NEXN: variants seen among roughly 807,000 people sequenced by gnomAD.
NEXN encodes the protein nexilin F-actin binding protein.
NEXN carries 65 observed loss-of-function variants against 92.6 expected under a neutral mutation model. The ratio of observed to expected loss-of-function variants is 0.70; its 90% confidence interval spans 0.57 to 0.86. NEXN has a LOEUF of 0.86. Among genes scored for constraint, NEXN ranks in the 40% least tolerant of loss-of-function variants. NEXN has a pLI of 0.00. For missense variants in NEXN, 778 were observed against 771.1 expected (o/e 1.01, Z -0.11); for synonymous variants, 254 against 242.5 (o/e 1.05, Z -0.44).
At chr1:77,933,156 C>A in intron 9 of NEXN, 126 bp from the exon 10 acceptor site, 5 of 647,928 alleles carry the variant, frequency 7.7e-6, no homozygotes, top group Non-Finnish European at 1.3e-5. Flanking sequence ...AGTGAAACTC[C>A]ATCTCAAAAA....
At chr1:77,919,774 A>G (rs921263359) in intron 5 of NEXN, among the ~76,000 whole-genome samples, 1 of 151,822 alleles carries the variant, frequency 6.6e-6, no homozygotes, top group Non-Finnish European at 1.5e-5. Flanking sequence ...TAATTTTTGT[A>G]TTTTTAGTGG....
intron 1 of NEXN, among the ~76,000 whole-genome samples, chr1:77,898,642 A>G (rs1178897211): frequency 6.6e-6 from 1 of 152,210 alleles, no homozygotes; most frequent in East Asian, 1.9e-4. Context: ...AATGGCAACA[A>G]AAGCCAAAAT....
Position 77,940,482 on chromosome 1 carries a change from C to T in NEXN, c.1474-1541C>T, listed in dbSNP as rs190784217. Among the ~76,000 whole-genome samples the T allele has an allele frequency of 7.9e-5, 12 of 152,258 alleles. No individual in the cohort carries two copies. In the East Asian group the frequency reaches 2.3e-3, roughly 29 times the overall value. On this transcript the variant is annotated intron_variant, in intron 11 of 12. Transcript: ENST00000334785. ...GACTGCAGAACTGTGCATAAATTTT[C>T]AGCTCAAGAGAAATTATTTTACTTA...
At chr1:77,916,997 C>A (rs776389442) in intron 2 of NEXN, among the ~76,000 whole-genome samples, 7 of 152,132 alleles carry the variant, frequency 4.6e-5, no homozygotes, top group Non-Finnish European at 1.0e-4. Context: ...CAACATAAAT[C>A]ACAGCTTGTG....
intron 9 of NEXN, among the ~76,000 whole-genome samples, chr1:77,932,540 A>G (rs529819413): frequency 3.5e-4 from 54 of 152,360 alleles, no homozygotes; most frequent in African/African-American, 1.2e-3. Context: ...TGAAGAGATC[A>G]TGATGGGTTA....
intron 1 of NEXN, among the ~76,000 whole-genome samples, chr1:77,910,621 C>T (rs1262707842): frequency 1.3e-5 from 2 of 151,400 alleles, no homozygotes; most frequent in Admixed American, 6.6e-5. Flanking sequence ...TGTCGTCGGT[C>T]GCGCCTGTAG....
chr1:77,926,544 A>G lies in NEXN; in HGVS notation c.620A>G (p.Asp207Gly), dbSNP rs570946423. ...AAAGAAAGGATCAAGTACGAGGAAG[A>G]TAAAAGAATAAGATATGAAGAACAA... ...EEKERIKYEE[D>G]KRIRYEEQRP... Residue 207 changes from aspartate to glycine, a missense_variant, in exon 7 of 13, where the codon GAT (aspartate) becomes GGT (glycine). This residue lies in a region of NEXN where 236 missense variants were observed against 265.6 expected (regional missense o/e 0.89). Transcript: ENST00000334785. 51 of 1,613,904 alleles carry G rather than the reference A, an allele frequency of 3.2e-5. No individual in the cohort carries two copies. In the Middle Eastern group the frequency reaches 1.3e-3, roughly 42 times the overall value.
At chr1:77,939,238 G>C (rs1189625337) in intron 11 of NEXN, among the ~76,000 whole-genome samples, 2 of 152,202 alleles carry the variant, frequency 1.3e-5, no homozygotes, top group Non-Finnish European at 2.9e-5. Flanking sequence ...AGAGAAATCA[G>C]GTCTGGGGAG....
chr1:77,918,673 A>C (rs1444903862), intron 5 of NEXN, among the ~76,000 whole-genome samples: 3 of 151,640 alleles, frequency 2.0e-5, no homozygotes, highest in Non-Finnish European at 2.9e-5. Flanking sequence ...TCAAAGAAAA[A>C]AAAAAAAAAA....
In NEXN at chr1:77,925,314, G is replaced by T. The variant is rs1010354260; in HGVS notation, c.489+85G>T. On this transcript the variant is annotated intron_variant, in intron 6 of 12. Coordinates refer to ENST00000334785, the MANE Select transcript of NEXN (RefSeq NM_144573.4). Reference sequence around the variant, plus strand: ...CTTTTAGTATAAGAAAAAACTAAAAGAGCTTTTATTATTTTTATTATAAAT... The same window carrying T: ...CTTTTAGTATAAGAAAAAACTAAAATAGCTTTTATTATTTTTATTATAAAT... 1.2e-5 allele frequency: 11 copies of T among 925,850 alleles called. No homozygotes were observed. In the African/African-American group the frequency reaches 1.9e-4, roughly 16 times the overall value. The allele number at this position is 925,850 out of a possible 1,614,324, so 57.4% of individuals were successfully genotyped here.
chr1:77,893,319 C>A (rs1647150031), intron 1 of NEXN, among the ~76,000 whole-genome samples: 1 of 152,100 alleles, frequency 6.6e-6, no homozygotes, highest in Admixed American at 6.6e-5. Flanking sequence ...TCTTCCTATT[C>A]CCAGCTGTGT....
intron 5 of NEXN, among the ~76,000 whole-genome samples, chr1:77,924,021 CA>C (rs888317552): frequency 4.0e-5 from 6 of 151,810 alleles, no homozygotes; most frequent in Non-Finnish European, 8.8e-5. Context: ...TAGACCTCGT[CA>C]AAATATAGAG....
Position 77,925,221 on chromosome 1 carries a change from G to A in NEXN, c.481G>A (p.Ala161Thr). The change falls in exon 6 of 13, where the codon GCA becomes ACA. Residue 161 changes from alanine to threonine, a missense_variant. Transcript: ENST00000334785. ...CATAAACAATACGGGAACTGAATCA[G>A]CATCAGAGGTAAACAGACATTTCCT... ...EDINNTGTES[A>T]SEEGDDSLLI... The A allele has an allele frequency of 6.3e-7, 1 of 1,596,464 alleles. No individual in the cohort carries two copies. Among genetic ancestry groups the A allele is most frequent in the South Asian group, 1.1e-5 (1 of 89,636 alleles).
intron 11 of NEXN, among the ~76,000 whole-genome samples, chr1:77,939,016 T>C (rs1439499902): frequency 6.6e-6 from 1 of 152,212 alleles, no homozygotes; most frequent in Non-Finnish European, 1.5e-5. Flanking sequence ...AAAATATTTA[T>C]GTTTATGCAA....
intron 2 of NEXN, among the ~76,000 whole-genome samples, chr1:77,916,686 A>G (rs1305692633): frequency 6.6e-6 from 1 of 152,200 alleles, no homozygotes; most frequent in Non-Finnish European, 1.5e-5. Context: ...ATGTGCCACA[A>G]ATTAATTAAG....
rs1287845333 is a variant in NEXN at position 77,942,856 on chromosome 1, A to C, written c.*27A>C. On this transcript the variant is annotated 3_prime_UTR_variant, in exon 13 of 13. Transcript: ENST00000334785. ...CACTCTTTTTATCTTTTATTCTATTAATTTTTTTTTCCTTAAAATCACTTT... is the reference window on the plus strand; with the variant it reads ...CACTCTTTTTATCTTTTATTCTATTCATTTTTTTTTCCTTAAAATCACTTT... 1 of 1,575,290 alleles carries C rather than the reference A, an allele frequency of 6.3e-7. No homozygotes were observed.
chr1:77,902,979 C>G (rs976470161), intron 1 of NEXN, among the ~76,000 whole-genome samples: 1 of 151,996 alleles, frequency 6.6e-6, no homozygotes, highest in Non-Finnish European at 1.5e-5. Flanking sequence ...ATTTGTCTAG[C>G]TGGAAGGTTG....
At chr1:77,894,652 G>T (rs1647183577) in intron 1 of NEXN, among the ~76,000 whole-genome samples, 1 of 151,762 alleles carries the variant, frequency 6.6e-6, no homozygotes, top group Non-Finnish European at 1.5e-5. Context: ...TGTTGCCCAG[G>T]CCTCACCCTC....
chr1:77,893,213 G>T (rs1423908793), intron 1 of NEXN, among the ~76,000 whole-genome samples: 1 of 152,090 alleles, frequency 6.6e-6, no homozygotes, highest in Non-Finnish European at 1.5e-5. Context: ...GTTTAGGAGA[G>T]TTTTTGTGAC....
Sources: gnomAD v4.1 joint callset for allele counts (sites outside exome capture counted in the v4.1 genomes callset) on GRCh38, gnomAD v4.1.1 for gene constraint, gnomAD v4.1.1 regional missense constraint, MANE v1.5 for transcripts, NCBI Gene and HGNC (gene_info 2026-07-23, HGNC 2026-07-21) for gene names.